Variants in NRXN3 observed in about 807,000 individuals in gnomAD.
NRXN3 encodes the protein neurexin III.
NRXN3 carries 32 observed loss-of-function variants against 137.6 expected under a neutral mutation model. The observed-to-expected ratio is 0.23, with a 90% CI of 0.18 to 0.31. The LOEUF (loss-of-function observed/expected upper bound fraction) is 0.31, where lower values mean the gene tolerates loss of function less well. NRXN3 is among the 10% of genes least tolerant of loss of function. The pLI is 1.00. For missense variants in NRXN3, 1,574 were observed against 2,062.5 expected (o/e 0.76, Z 4.59); for synonymous variants, 798 against 784.5 (o/e 1.02, Z -0.29).
chr14:78,563,374 G>A (rs973914318), intron 4 of NRXN3, among the ~76,000 whole-genome samples: 5 of 152,170 alleles, frequency 3.3e-5, no homozygotes, highest in South Asian at 2.1e-4. Flanking sequence ...AAATGATAAC[G>A]GAAATAGGTT....
At chr14:79,463,305 C>T (rs970343150) in intron 15 of NRXN3, among the ~76,000 whole-genome samples, 1 of 152,068 alleles carries the variant, frequency 6.6e-6, no homozygotes, top group Non-Finnish European at 1.5e-5. Context: ...CCTTTATGAT[C>T]GCATGGAAGA....
intron 19 of NRXN3, among the ~76,000 whole-genome samples, chr14:79,787,644 C>T (rs1257860558): frequency 3.9e-5 from 6 of 152,112 alleles, no homozygotes; most frequent in East Asian, 1.9e-4. Flanking sequence ...TGAGATCATA[C>T]GGGATTTGTC....
chr14:79,754,544 A>G (rs1443357573), intron 19 of NRXN3, among the ~76,000 whole-genome samples: 1 of 102,458 alleles, frequency 9.8e-6, no homozygotes, highest in Non-Finnish European at 1.9e-5. Flanking sequence ...ATATATATAT[A>G]TATATATATA....
At chr14:79,208,517 T>C (rs1179729432) in intron 15 of NRXN3, among the ~76,000 whole-genome samples, 2 of 152,220 alleles carry the variant, frequency 1.3e-5, no homozygotes, top group Non-Finnish European at 2.9e-5. Context: ...CCTCTGAACA[T>C]CTTCCTGAAT....
intron 15 of NRXN3, among the ~76,000 whole-genome samples, chr14:79,092,196 C>T (rs779008520): frequency 4.6e-5 from 7 of 152,234 alleles, no homozygotes; most frequent in African/African-American, 9.6e-5. Flanking sequence ...ACGTTTGAAA[C>T]GGGATCACAG....
intron 15 of NRXN3, among the ~76,000 whole-genome samples, chr14:79,381,429 C>T (rs1268828881): frequency 6.6e-6 from 1 of 152,112 alleles, no homozygotes; most frequent in African/African-American, 2.4e-5. Flanking sequence ...CCATTATCAT[C>T]AGAATACCTG....
chr14:78,561,675 C>T (rs1286103847), intron 4 of NRXN3, among the ~76,000 whole-genome samples: 1 of 152,198 alleles, frequency 6.6e-6, no homozygotes, highest in Admixed American at 6.5e-5. Context: ...CTACCTCGAA[C>T]ACTCTTCCTG....
At chr14:78,908,686 C>T (rs971970709) in intron 10 of NRXN3, among the ~76,000 whole-genome samples, 2 of 151,864 alleles carry the variant, frequency 1.3e-5, no homozygotes, top group African/African-American at 4.8e-5. Context: ...TAGTTTGAGA[C>T]ACTAAGAAGG....
chr14:79,812,135 G>C (rs1297590877), intron 20 of NRXN3, among the ~76,000 whole-genome samples: 1 of 151,924 alleles, frequency 6.6e-6, no homozygotes, highest in East Asian at 1.9e-4. Flanking sequence ...ATAAAAAAAT[G>C]AAAAAAATTC....
In NRXN3 at chr14:78,863,944, A is replaced by G. The variant is rs1033910128; in HGVS notation, c.2275+53600A>G. Among the ~76,000 whole-genome samples, 4 of 152,182 alleles carry G rather than the reference A, an allele frequency of 2.6e-5. No individual in the cohort carries two copies. The East Asian group carries it at 7.7e-4, about 29-fold the overall frequency. On this transcript the variant is annotated intron_variant, in intron 10 of 20. Transcript: ENST00000335750. ...ATGTAGGTTCAAAGACAATTTTACAATAGTTTAACCTTAGTAGATGAAAAA... is the reference window on the plus strand; with the variant it reads ...ATGTAGGTTCAAAGACAATTTTACAGTAGTTTAACCTTAGTAGATGAAAAA...
At chr14:79,273,372 C>T (rs1196577304) in intron 15 of NRXN3, among the ~76,000 whole-genome samples, 5 of 151,710 alleles carry the variant, frequency 3.3e-5, no homozygotes, top group African/African-American at 7.3e-5. Context: ...CGGTGGCTCA[C>T]GCCTGTAATC....
rs188296127 is a variant in NRXN3, at chr14:79,190,124, G to T, written c.3262+201983G>T. On this transcript the variant is annotated intron_variant, in intron 15 of 20. Transcript: ENST00000335750. ...AATTTTTAGCCAGCAGTCCTTTATG[G>T]ATCAGATATTGCATCAAAAAAGAAG... Among the ~76,000 whole-genome samples the T allele has an allele frequency of 6.8e-4, 103 of 152,166 alleles. 2 individuals are homozygous for T. Among genetic ancestry groups the T allele is most frequent in the South Asian group, 1.0e-3 (5 of 4,810 alleles).
At chr14:78,534,439 A>G (rs1036665514) in intron 4 of NRXN3, among the ~76,000 whole-genome samples, 4 of 152,230 alleles carry the variant, frequency 2.6e-5, no homozygotes. Context: ...AGAATGTCAT[A>G]ATCATATTCA....
intron 15 of NRXN3, among the ~76,000 whole-genome samples, chr14:79,159,729 G>C (rs1211975256): frequency 6.6e-6 from 1 of 151,578 alleles, no homozygotes; most frequent in Non-Finnish European, 1.5e-5. Flanking sequence ...GTCTGTCCTT[G>C]TTTCAATTTT....
chr14:79,027,880 G>C (rs907838615), intron 15 of NRXN3, among the ~76,000 whole-genome samples: 5 of 152,128 alleles, frequency 3.3e-5, no homozygotes, highest in Non-Finnish European at 7.4e-5. Context: ...TGAAGAACTT[G>C]CTTTAGACCT....
At chr14:78,354,196 G>T (rs2083942120) in intron 4 of NRXN3, among the ~76,000 whole-genome samples, 1 of 152,182 alleles carries the variant, frequency 6.6e-6, no homozygotes, top group South Asian at 2.1e-4. Flanking sequence ...ATCTTCAAAA[G>T]GTGGAAGCCT....
chr14:79,145,949 C>T (rs1003786439), intron 15 of NRXN3, among the ~76,000 whole-genome samples: 1 of 152,146 alleles, frequency 6.6e-6, no homozygotes, highest in Non-Finnish European at 1.5e-5. Context: ...AATTGAGGCA[C>T]AGAGGTGTTA....
intron 2 of NRXN3, among the ~76,000 whole-genome samples, chr14:78,252,303 C>G (rs73310321): frequency 2.0e-5 from 3 of 151,916 alleles, no homozygotes; most frequent in African/African-American, 7.3e-5. Context: ...CTCTTTGGCT[C>G]TTTGGGGGAA....
chr14:78,288,603 T>C (rs1459485266), intron 3 of NRXN3, among the ~76,000 whole-genome samples: 2 of 152,236 alleles, frequency 1.3e-5, no homozygotes, highest in Non-Finnish European at 2.9e-5. Context: ...CTTCATGTCA[T>C]TCATCAATGA....
Sources: gnomAD v4.1 joint callset for allele counts (sites outside exome capture counted in the v4.1 genomes callset) on GRCh38, gnomAD v4.1.1 for gene constraint, MANE v1.5 for transcripts, NCBI Gene and HGNC (gene_info 2026-07-23, HGNC 2026-07-21) for gene names.